Variants in SLC28A1 observed in about 807,000 individuals in gnomAD.
The protein encoded by SLC28A1 is solute carrier family 28 member 1, also known as sodium/nucleoside cotransporter 1.
Under a neutral mutation model 74.8 loss-of-function variants are expected in SLC28A1, and 64 were observed. The ratio of observed to expected loss-of-function variants is 0.86; its 90% confidence interval spans 0.70 to 1.05. SLC28A1 has a LOEUF of 1.05. SLC28A1 is among the 50% of genes least tolerant of loss of function. The pLI is 0.00. For synonymous variants in SLC28A1, 359 were observed against 335.0 expected (o/e 1.07, Z -0.78); for missense variants, 828 against 822.8 (o/e 1.01, Z -0.08).
Position 84,908,596 on chromosome 15 carries a change from C to T in SLC28A1, c.718-122C>T, listed in dbSNP as rs966221659. The T allele has an allele frequency of 8.1e-5, 64 of 789,216 alleles. 1 individual carries two copies. The highest frequency in any genetic ancestry group is 7.5e-4 in the African/African-American group (45 of 59,844). 48.9% of individuals were successfully genotyped at this position (789,216 alleles called of 1,614,324 possible). On this transcript the variant is annotated intron_variant, in intron 8 of 18. Coordinates refer to ENST00000394573, the MANE Select transcript of SLC28A1 (RefSeq NM_004213.5). ...CACCTTGCCAGGTGGTGCCCCCCCC[C>T]GGATAAGGGCCTGGGGGGACTACGT... is the stretch of plus-strand genomic sequence containing the variant.
intron 6 of SLC28A1, chr15:84,895,456 G>T (rs756761477): frequency 4.3e-6 from 7 of 1,612,936 alleles, no homozygotes; most frequent in African/African-American, 1.3e-5. Flanking sequence ...ACAAAAAGCC[G>T]CAGGGACCAT....
At chr15:84,937,780 A>G (rs975420242) in intron 15 of SLC28A1, among the ~76,000 whole-genome samples, 3 of 152,098 alleles carry the variant, frequency 2.0e-5, no homozygotes, top group Non-Finnish European at 4.4e-5. Context: ...ATGTGTCTGT[A>G]GTCCCAGTCC....
chr15:84,949,250 C>T (rs986526925), downstream of SLC28A1, among the ~76,000 whole-genome samples: 8 of 152,056 alleles, frequency 5.3e-5, no homozygotes, highest in South Asian at 2.1e-4. Context: ...AAGAGCAAGT[C>T]GAAGATGAAG....
At chr15:84,899,911 G>GAA (rs1252851634) in intron 6 of SLC28A1, among the ~76,000 whole-genome samples, 1 of 120,498 alleles carries the variant, frequency 8.3e-6, no homozygotes, top group Non-Finnish European at 1.8e-5. Flanking sequence ...GAAAGAAAGA[G>GAA]AAAGAGGGAA....
chr15:84,928,473 C>T (rs915430016), intron 12 of SLC28A1, among the ~76,000 whole-genome samples: 1 of 151,668 alleles, frequency 6.6e-6, no homozygotes, highest in African/African-American at 2.4e-5. Context: ...CCCTCAGCCT[C>T]TGAATCCCAG....
chr15:84,963,391 G>C, the SLC28A1 span, among the ~76,000 whole-genome samples: 2 of 152,134 alleles, frequency 1.3e-5, no homozygotes, highest in Non-Finnish European at 1.5e-5. Flanking sequence ...TCCATCCTGA[G>C]GTCCTGCTAG....
chr15:84,901,608 T>C (rs1341790801), intron 6 of SLC28A1, among the ~76,000 whole-genome samples: 1 of 151,926 alleles, frequency 6.6e-6, no homozygotes, highest in Non-Finnish European at 1.5e-5. Context: ...AAGTACATGG[T>C]AAGATGCTCA....
chr15:84,947,356 TG>T (rs2079267483), downstream of SLC28A1, among the ~76,000 whole-genome samples: 1 of 152,206 alleles, frequency 6.6e-6, no homozygotes, highest in South Asian at 2.1e-4. Flanking sequence ...GCCCATATGT[TG>T]GCCTCAGCTC....
At chr15:84,920,261 C>G (rs1969642264) in intron 10 of SLC28A1, among the ~76,000 whole-genome samples, 1 of 152,200 alleles carries the variant, frequency 6.6e-6, no homozygotes, top group Non-Finnish European at 1.5e-5. Flanking sequence ...GTCTGGCCAA[C>G]ATAGTGAAAC....
intron 7 of SLC28A1, among the ~76,000 whole-genome samples, chr15:84,904,995 G>A (rs541577128): frequency 5.7e-4 from 87 of 152,254 alleles, no homozygotes; most frequent in African/African-American, 2.0e-3. Context: ...ACCTGAGCTT[G>A]GACTCACTGC....
intron 15 of SLC28A1, among the ~76,000 whole-genome samples, chr15:84,942,248 T>A (rs927373857): frequency 6.6e-6 from 1 of 152,208 alleles, no homozygotes; most frequent in African/African-American, 2.4e-5. Flanking sequence ...GAATGGGGTA[T>A]CCATCCCCTC....
chr15:84,893,738 A>G (rs1965626152), intron 5 of SLC28A1, among the ~76,000 whole-genome samples: 1 of 152,112 alleles, frequency 6.6e-6, no homozygotes, highest in African/African-American at 2.4e-5. Flanking sequence ...CGTGGAGACT[A>G]GTTCCGCTGT....
chr15:84,898,317 G>A (rs971192577), intron 6 of SLC28A1, among the ~76,000 whole-genome samples: 4 of 152,132 alleles, frequency 2.6e-5, no homozygotes, highest in Non-Finnish European at 5.9e-5. Flanking sequence ...GGTGGCTCAC[G>A]CCTGTAATCC....
chr15:84,893,921 C>T (rs1965647534), intron 5 of SLC28A1, among the ~76,000 whole-genome samples: 1 of 152,248 alleles, frequency 6.6e-6, no homozygotes, highest in Non-Finnish European at 1.5e-5. Flanking sequence ...CCTTGCCAGG[C>T]TCAGGCGCTT....
At chr15:84,946,430 CT>C (rs2079233124), downstream of SLC28A1, among the ~76,000 whole-genome samples, 1 of 151,960 alleles carries the variant, frequency 6.6e-6, no homozygotes. Flanking sequence ...TAACTCAATC[CT>C]TACAACAACT....
intron 6 of SLC28A1, among the ~76,000 whole-genome samples, chr15:84,896,251 A>G (rs1308041921): frequency 6.6e-6 from 1 of 152,262 alleles, no homozygotes; most frequent in African/African-American, 2.4e-5. Context: ...AAGAAACTGT[A>G]TGCAGAATTA....
rs112813797 is a variant in SLC28A1 at position 84,923,817 on chromosome 15, T to C, written c.958-168T>C. On this transcript the variant is annotated intron_variant, in intron 11 of 18. Transcript: ENST00000394573. ...AGGGATGGGGGTCCTTCTGTAGAGG[T>C]AGGCAATGCTGAGGTTCAGAGAAGC... is the stretch of plus-strand genomic sequence containing the variant. 5.3e-5 allele frequency among the ~76,000 whole-genome samples: 8 copies of C among 152,030 alleles called. No homozygotes were observed. In the South Asian group the frequency reaches 6.2e-4, roughly 12 times the overall value.
In SLC28A1 at chr15:84,899,940, A is replaced by AAAGGAAGGAAGG. The variant is rs71135318; in HGVS notation, c.462-4142_462-4131dup. On this transcript the variant is annotated intron_variant, in intron 6 of 18. Coordinates refer to ENST00000394573, the MANE Select transcript of SLC28A1 (RefSeq NM_004213.5). The stretch of plus-strand genomic sequence containing the variant: ...GAGGGAAAGAGGGAAAGAAAGAAAG[A>AAAGGAAGGAAGG]AAGGAAGGAAGGAAGGAAGGAAGGA... Among the ~76,000 whole-genome samples, 416 of 136,916 alleles carry AAAGGAAGGAAGG rather than the reference A, an allele frequency of 3.0e-3. 1 individual carries two copies. Among genetic ancestry groups the AAAGGAAGGAAGG allele is most frequent in the Non-Finnish European group, 4.9e-3 (314 of 64,338 alleles). 89.8% of individuals were successfully genotyped at this position (136,916 alleles called of 152,430 possible).
the SLC28A1 span, among the ~76,000 whole-genome samples, chr15:84,956,998 C>T: frequency 6.6e-6 from 1 of 151,840 alleles, no homozygotes; most frequent in Admixed American, 6.6e-5. Context: ...AATCCATATA[C>T]CTTGTTTTTT....
Sources: gnomAD v4.1 joint callset for allele counts (sites outside exome capture counted in the v4.1 genomes callset) on GRCh38, gnomAD v4.1.1 for gene constraint, MANE v1.5 for transcripts, NCBI Gene and HGNC (gene_info 2026-07-23, HGNC 2026-07-21) for gene names.